The following LRRTM4 variants were observed in gnomAD, a reference collection of about 807,000 sequenced individuals.
LRRTM4 encodes the protein leucine-rich repeat transmembrane neuronal protein 4.
In LRRTM4, 25 loss-of-function variants were observed where a neutral mutation model predicts 47.6. The observed-to-expected ratio is 0.53, with a 90% CI of 0.38 to 0.73. The LOEUF is 0.73. LRRTM4 is among the 30% of genes least tolerant of loss of function. LRRTM4 has a pLI of 0.00. For missense variants in LRRTM4, 638 were observed against 713.4 expected (o/e 0.89, Z 1.20); for synonymous variants, 311 against 269.5 (o/e 1.15, Z -1.51).
At chr2:77,031,623 T>C (rs1415799195) in intron 3 of LRRTM4, among the ~76,000 whole-genome samples, 1 of 152,144 alleles carries the variant, frequency 6.6e-6, no homozygotes, top group East Asian at 1.9e-4. Context: ...GGCTTCTCTG[T>C]GTCAGTGATG....
chr2:77,096,311 A>G (rs1670810911), intron 3 of LRRTM4, among the ~76,000 whole-genome samples: 1 of 151,860 alleles, frequency 6.6e-6, no homozygotes, highest in Non-Finnish European at 1.5e-5. Flanking sequence ...AAATATGTTC[A>G]TGTATCATTC....
At chr2:77,273,840 C>A (rs1676269254) in intron 3 of LRRTM4, among the ~76,000 whole-genome samples, 2 of 152,114 alleles carry the variant, frequency 1.3e-5, no homozygotes, top group African/African-American at 4.8e-5. Flanking sequence ...ATTGACTTTA[C>A]AAAACATGTG....
At chr2:77,031,932 C>A (rs527541592) in intron 3 of LRRTM4, among the ~76,000 whole-genome samples, 1 of 152,218 alleles carries the variant, frequency 6.6e-6, no homozygotes, top group Non-Finnish European at 1.5e-5. Flanking sequence ...AGGCCCCTAA[C>A]CCTAACATGA....
At chr2:77,272,623 A>G (rs1411493029) in intron 3 of LRRTM4, among the ~76,000 whole-genome samples, 1 of 152,178 alleles carries the variant, frequency 6.6e-6, no homozygotes, top group East Asian at 1.9e-4. Context: ...AAGAAATTTA[A>G]TCCTTGAGCT....
intron 3 of LRRTM4, among the ~76,000 whole-genome samples, chr2:77,235,898 A>C (rs1034182339): frequency 6.6e-6 from 1 of 151,980 alleles, no homozygotes; most frequent in Non-Finnish European, 1.5e-5. Context: ...TATCAGTTCT[A>C]CATTGTTTTT....
At chr2:77,327,803 AC>A (rs1393006101) in intron 3 of LRRTM4, among the ~76,000 whole-genome samples, 2 of 152,128 alleles carry the variant, frequency 1.3e-5, no homozygotes, top group African/African-American at 4.8e-5. Context: ...TGTAAGTATG[AC>A]TTAGAAAAAA....
intron 3 of LRRTM4, among the ~76,000 whole-genome samples, chr2:77,263,041 A>G (rs558810507): frequency 2.9e-4 from 44 of 152,230 alleles, no homozygotes; most frequent in Middle Eastern, 3.4e-3. Context: ...CTCCATCCTC[A>G]GACCTCCAGG....
chr2:77,422,464 A>G lies in LRRTM4; in HGVS notation c.1551+95854T>C, dbSNP rs141886094. 4.6e-5 allele frequency among the ~76,000 whole-genome samples: 7 copies of G among 152,330 alleles called. No individual in the cohort carries two copies. In the East Asian group the frequency reaches 1.2e-3, roughly 25 times the overall value. Reference sequence around the variant, plus strand: ...TCCATACTTTAAGATACTCTACTGGAAAGATGTCACAGTTTTTTCAAGAAG... The same window carrying G: ...TCCATACTTTAAGATACTCTACTGGGAAGATGTCACAGTTTTTTCAAGAAG... On this transcript the variant is annotated intron_variant, in intron 3 of 3. Coordinates refer to ENST00000409884, the MANE Select transcript of LRRTM4 (RefSeq NM_001134745.3).
rs1305385346 is a variant in LRRTM4, at chr2:77,521,812, A to G, written c.-141T>C. 1.1e-5 allele frequency: 7 copies of G among 647,118 alleles called. No homozygotes were observed. Among genetic ancestry groups the G allele is most frequent in the Non-Finnish European group, 1.8e-5 (7 of 392,432 alleles). 40.1% of individuals were successfully genotyped at this position (647,118 alleles called of 1,614,324 possible). A position where few individuals can be genotyped will look rare whatever the true frequency, so the allele number is the denominator to read the frequency against. On this transcript the variant is annotated 5_prime_UTR_variant, in exon 2 of 4. The change abolishes an upstream ATG in the 5' untranslated region. Transcript: ENST00000409884. ...ATCCCGCATGTGAGCTAGTAGCCCC[A>G]TACAAACTTCCCCGAGAGGACAGGC...
At chr2:77,513,053 AT>A (rs1211714021) in intron 3 of LRRTM4, among the ~76,000 whole-genome samples, 1 of 152,174 alleles carries the variant, frequency 6.6e-6, no homozygotes, top group Non-Finnish European at 1.5e-5. Flanking sequence ...CAGACAATCG[AT>A]TTTTTAAAAA....
intron 3 of LRRTM4, among the ~76,000 whole-genome samples, chr2:76,891,855 T>C (rs1176159760): frequency 6.6e-6 from 1 of 151,542 alleles, no homozygotes; most frequent in Non-Finnish European, 1.5e-5. Flanking sequence ...GATAAAAGAT[T>C]CATTAATTTG....
At chr2:76,904,775 A>C (rs1026951260) in intron 3 of LRRTM4, among the ~76,000 whole-genome samples, 1 of 152,158 alleles carries the variant, frequency 6.6e-6, no homozygotes, top group Admixed American at 6.5e-5. Context: ...ATATGTAAAA[A>C]ATGAAAGGGG....
chr2:77,520,335 C>T (rs1679434279), intron 2 of LRRTM4, among the ~76,000 whole-genome samples: 1 of 152,070 alleles, frequency 6.6e-6, no homozygotes, highest in Non-Finnish European at 1.5e-5. Flanking sequence ...AAAAGAGCTT[C>T]AGTAAGCTGT....
intron 3 of LRRTM4, among the ~76,000 whole-genome samples, chr2:77,072,379 A>G (rs971765664): frequency 2.6e-5 from 4 of 152,208 alleles, no homozygotes; most frequent in African/African-American, 9.6e-5. Flanking sequence ...CAATTGAAAC[A>G]TTATTTCTGT....
intron 3 of LRRTM4, among the ~76,000 whole-genome samples, chr2:76,925,441 A>T (rs1406994820): frequency 6.6e-6 from 1 of 152,094 alleles, no homozygotes; most frequent in African/African-American, 2.4e-5. Context: ...CCGAGGATCC[A>T]TTTAAGCTCT....
At chr2:77,430,543 G>A (rs534990194) in intron 3 of LRRTM4, among the ~76,000 whole-genome samples, 29 of 151,560 alleles carry the variant, frequency 1.9e-4, no homozygotes, top group Admixed American at 5.3e-4. Flanking sequence ...CCAACACGGA[G>A]AAACCCTGTC....
chr2:77,181,887 G>A (rs1315287598), intron 3 of LRRTM4, among the ~76,000 whole-genome samples: 1 of 152,158 alleles, frequency 6.6e-6, no homozygotes, highest in Non-Finnish European at 1.5e-5. Flanking sequence ...TCTCATGCCA[G>A]TAGAAATGGT....
intron 3 of LRRTM4, among the ~76,000 whole-genome samples, chr2:77,411,391 T>A (rs1674415539): frequency 6.6e-6 from 1 of 151,752 alleles, no homozygotes; most frequent in Admixed American, 6.6e-5. Context: ...TCTTTCTCTC[T>A]TTCTTTCTTC....
chr2:77,234,118 C>T (rs951577465), intron 3 of LRRTM4, among the ~76,000 whole-genome samples: 1 of 152,104 alleles, frequency 6.6e-6, no homozygotes, highest in Admixed American at 6.5e-5. Flanking sequence ...TAGAGTAGCA[C>T]GTATGTGCCA....
Sources: gnomAD v4.1 joint callset for allele counts (sites outside exome capture counted in the v4.1 genomes callset) on GRCh38, gnomAD v4.1.1 for gene constraint, MANE v1.5 for transcripts, NCBI Gene and HGNC (gene_info 2026-07-23, HGNC 2026-07-21) for gene names.